PPP3CA: variants seen among roughly 807,000 people sequenced by gnomAD.
The protein encoded by PPP3CA is CAM-PRP catalytic subunit.
Under a neutral mutation model 66.5 loss-of-function variants are expected in PPP3CA, and 14 were observed. The observed-to-expected ratio is 0.21, with a 90% CI of 0.14 to 0.33. The LOEUF is 0.33. Among genes scored for constraint, PPP3CA ranks in the 10% least tolerant of loss-of-function variants. PPP3CA has a pLI of 1.00. For missense variants in PPP3CA, 317 were observed against 639.5 expected (o/e 0.50, Z 5.44); for synonymous variants, 232 against 226.2 (o/e 1.03, Z -0.23).
At chr4:101,189,018 T>G (rs1724502554) in intron 2 of PPP3CA, among the ~76,000 whole-genome samples, 1 of 152,156 alleles carries the variant, frequency 6.6e-6, no homozygotes, top group South Asian at 2.1e-4. Flanking sequence ...AAACCACAGA[T>G]TCTTCTGTAA....
At chr4:101,210,389 G>C (rs768638781) in intron 1 of PPP3CA, among the ~76,000 whole-genome samples, 4 of 152,150 alleles carry the variant, frequency 2.6e-5, no homozygotes, top group Non-Finnish European at 5.9e-5. Context: ...GACTGCCTAG[G>C]TAAACCGTAC....
intron 1 of PPP3CA, among the ~76,000 whole-genome samples, chr4:101,204,747 T>C (rs936840669): frequency 6.6e-6 from 1 of 151,858 alleles, no homozygotes; most frequent in African/African-American, 2.4e-5. Context: ...CAAAATTATA[T>C]TTACTGATTT....
chr4:101,212,300 T>C (rs149155994), intron 1 of PPP3CA, among the ~76,000 whole-genome samples: 1,666 of 152,250 alleles, frequency 0.011, 17 homozygotes, highest in Non-Finnish European at 0.017. Context: ...AGTGAGACCA[T>C]GTCCTTTGCA....
chr4:101,070,163 G>A (rs565095073), intron 8 of PPP3CA, among the ~76,000 whole-genome samples: 153 of 152,214 alleles, frequency 1.0e-3, no homozygotes, highest in Non-Finnish European at 9.1e-4. Flanking sequence ...AGGAATGAGG[G>A]AGGCACAGAT....
intron 2 of PPP3CA, among the ~76,000 whole-genome samples, chr4:101,156,753 T>G (rs1313072939): frequency 6.6e-6 from 1 of 152,140 alleles, no homozygotes; most frequent in African/African-American, 2.4e-5. Flanking sequence ...TTTGAAAGGT[T>G]TATGAAGGAG....
intron 2 of PPP3CA, among the ~76,000 whole-genome samples, chr4:101,115,814 G>A (rs565583595): frequency 2.6e-5 from 4 of 151,976 alleles, no homozygotes; most frequent in Admixed American, 1.3e-4. Context: ...AGGGAAATCC[G>A]TTAAAGAACA....
chr4:101,346,876 A>AGCGCCG lies in PPP3CA; in HGVS notation c.-81_-80insCGGCGC. ...GACCGGACCGGCGGGCCAGACACTCAACGCCGCCGCCGCCGCCGCCGCCGC... is the reference window on the plus strand; with the variant it reads ...GACCGGACCGGCGGGCCAGACACTCAGCGCCGACGCCGCCGCCGCCGCCGCCGCCGC... On this transcript the variant is annotated 5_prime_UTR_variant, in exon 1 of 14. Coordinates refer to ENST00000394854, the MANE Select transcript of PPP3CA (RefSeq NM_000944.5). The AGCGCCG allele has an allele frequency of 7.7e-7, 1 of 1,304,468 alleles. No individual in the cohort carries two copies. The highest frequency in any genetic ancestry group is 2.1e-5 in the African/African-American group (1 of 47,396). 80.8% of individuals were successfully genotyped at this position (1,304,468 alleles called of 1,614,324 possible). A position where few individuals can be genotyped will look rare whatever the true frequency, so the allele number is the denominator to read the frequency against.
At chr4:101,133,366 A>T (rs952220982) in intron 2 of PPP3CA, among the ~76,000 whole-genome samples, 1 of 152,244 alleles carries the variant, frequency 6.6e-6, no homozygotes, top group Admixed American at 6.5e-5. Flanking sequence ...TCTCAGCCCC[A>T]AAAGTCCTTA....
chr4:101,300,700 G>A (rs1728346981), intron 1 of PPP3CA, among the ~76,000 whole-genome samples: 1 of 152,070 alleles, frequency 6.6e-6, no homozygotes, highest in Non-Finnish European at 1.5e-5. Context: ...GAGAAGCTGG[G>A]GCACAAGAAT....
intron 8 of PPP3CA, among the ~76,000 whole-genome samples, chr4:101,068,185 A>T (rs1488802054): frequency 3.9e-5 from 6 of 152,204 alleles, no homozygotes; most frequent in Non-Finnish European, 7.4e-5. Flanking sequence ...GAAAAGAAAC[A>T]AAGATGAGAA....
At chr4:101,086,878 T>G (rs1729696141) in intron 6 of PPP3CA, among the ~76,000 whole-genome samples, 1 of 152,238 alleles carries the variant, frequency 6.6e-6, no homozygotes, top group East Asian at 1.9e-4. Flanking sequence ...TTGGGGCTTA[T>G]GCTCAATTGC....
chr4:101,226,556 A>ATT (rs1725788987), intron 1 of PPP3CA, among the ~76,000 whole-genome samples: 1 of 151,754 alleles, frequency 6.6e-6, no homozygotes, highest in South Asian at 2.1e-4. Context: ...AACTCAGTAA[A>ATT]TTCATCAATT....
intron 8 of PPP3CA, among the ~76,000 whole-genome samples, chr4:101,071,818 T>G (rs947093827): frequency 6.6e-6 from 1 of 152,188 alleles, no homozygotes; most frequent in African/African-American, 2.4e-5. Context: ...TCACAACTAC[T>G]TAACTAAATT....
rs1257435238 is a variant in PPP3CA, at chr4:101,064,997, A to T, written c.956-1640T>A. On this transcript the variant is annotated intron_variant, in intron 8 of 13. Transcript: ENST00000394854. ...GGTTCCAGGGAACATATAATCACAG[A>T]CACTCTGGGGACAAGAAATGTAGAT... Among the ~76,000 whole-genome samples the T allele has an allele frequency of 2.0e-5, 3 of 152,020 alleles. No homozygotes were observed. The East Asian group carries it at 5.8e-4, about 29-fold the overall frequency.
chr4:101,130,425 G>T (rs1029326003), intron 2 of PPP3CA, among the ~76,000 whole-genome samples: 2 of 152,184 alleles, frequency 1.3e-5, no homozygotes, highest in Admixed American at 6.5e-5. Flanking sequence ...TCCTTGAGAA[G>T]AGCAACCCTA....
intron 9 of PPP3CA, among the ~76,000 whole-genome samples, chr4:101,061,450 G>A (rs932981734): frequency 3.3e-5 from 5 of 152,010 alleles, no homozygotes; most frequent in Non-Finnish European, 7.4e-5. Context: ...ACAAATCAAT[G>A]AAAGAGAAAA....
intron 1 of PPP3CA, among the ~76,000 whole-genome samples, chr4:101,285,617 G>A (rs901589011): frequency 6.9e-6 from 1 of 145,958 alleles, no homozygotes; most frequent in Admixed American, 6.9e-5. Flanking sequence ...GTGTGTGTGT[G>A]TGTGTGTGTG....
At position 101,073,638 on chromosome 4, in the gene PPP3CA, AT is replaced by A. The variant is rs1223990099; in HGVS notation, c.955+6893del. Among the ~76,000 whole-genome samples, 11 of 152,240 alleles carry A rather than the reference AT, an allele frequency of 7.2e-5. 1 individual carries two copies. The South Asian group carries it at 1.9e-3, about 26-fold the overall frequency. On this transcript the variant is annotated intron_variant, in intron 8 of 13. Transcript: ENST00000394854. Reference sequence around the variant, plus strand: ...TCTACTTTATTCCTTCATATAAATTATTGTATTTCATAACATTTCTCAGTGA... The same window carrying A: ...TCTACTTTATTCCTTCATATAAATTATGTATTTCATAACATTTCTCAGTGA...
At chr4:101,111,864 C>A (rs1209770879) in intron 2 of PPP3CA, among the ~76,000 whole-genome samples, 2 of 152,114 alleles carry the variant, frequency 1.3e-5, no homozygotes, top group African/African-American at 4.8e-5. Flanking sequence ...AATGGCATTT[C>A]AAAATGGCTG....
Sources: gnomAD v4.1 joint callset for allele counts (sites outside exome capture counted in the v4.1 genomes callset) on GRCh38, gnomAD v4.1.1 for gene constraint, MANE v1.5 for transcripts, NCBI Gene and HGNC (gene_info 2026-07-23, HGNC 2026-07-21) for gene names.